ZCWPW1: variants seen among roughly 807,000 people sequenced by gnomAD.
ZCWPW1 encodes zinc finger CW-type and PWWP domain containing 1.
ZCWPW1 carries 56 observed loss-of-function variants against 81.3 expected under a neutral mutation model. The ratio of observed to expected loss-of-function variants is 0.69; its 90% confidence interval spans 0.56 to 0.86. ZCWPW1 has a LOEUF of 0.86. Ranked by LOEUF, ZCWPW1 falls within the 40% of genes least tolerant of loss-of-function variation. The pLI is 0.00. For missense variants in ZCWPW1, 650 were observed against 769.8 expected (o/e 0.84, Z 1.84); for synonymous variants, 250 against 273.7 (o/e 0.91, Z 0.86).
intron 5 of ZCWPW1, 21 bp downstream of exon 5, chr7:100,419,090 T>C (rs1285706734): frequency 1.2e-6 from 2 of 1,607,818 alleles, no homozygotes; most frequent in Non-Finnish European, 1.7e-6. Flanking sequence ...GAAACCCTTT[T>C]TCTCTTACTA....
Position 100,420,692 on chromosome 7 carries a change from G to A in ZCWPW1, c.-29-14C>T. 6.2e-7 allele frequency: 1 copy of A among 1,609,392 alleles called. No individual in the cohort carries two copies. The highest frequency in any genetic ancestry group is 8.5e-7 in the Non-Finnish European group (1 of 1,177,046). ...CTTTGTGTGCCTCTGTTAGAAAAAA[G>A]AAATTAACTGCTATGACTCTGATTA... is the stretch of plus-strand genomic sequence containing the variant. On this transcript the variant is annotated splice_polypyrimidine_tract_variant and intron_variant, in intron 2 of 17. Transcript: ENST00000684423.
At chr7:100,407,167 A>AG in intron 11 of ZCWPW1, 61 bp downstream of exon 11, 1 of 1,480,566 alleles carries the variant, frequency 6.8e-7, no homozygotes, top group Non-Finnish European at 9.4e-7. Flanking sequence ...TACGTCTGTG[A>AG]GGATGGATTT....
intron 8 of ZCWPW1, among the ~76,000 whole-genome samples, chr7:100,414,993 C>T (rs1378324925): frequency 6.6e-6 from 1 of 151,066 alleles, no homozygotes; most frequent in Non-Finnish European, 1.5e-5. Context: ...CCACCGCACT[C>T]CAGCCTGGCG....
At chr7:100,402,124 C>A in intron 16 of ZCWPW1, 83 bp from the exon 17 acceptor site, 1 of 1,504,392 alleles carries the variant, frequency 6.6e-7, no homozygotes, top group Non-Finnish European at 8.9e-7. Flanking sequence ...GAGTTTCTGC[C>A]CTGCCCCACA....
intron 12 of ZCWPW1, among the ~76,000 whole-genome samples, chr7:100,406,334 CAGGACAG>C (rs1236029852): frequency 1.3e-5 from 2 of 152,172 alleles, no homozygotes; most frequent in African/African-American, 4.8e-5. Flanking sequence ...CCACGATGCA[CAGGACAG>C]CCCTCCACAA....
chr7:100,402,209 T>C (rs1258659953), intron 16 of ZCWPW1, among the ~76,000 whole-genome samples, 168 bp from the exon 17 acceptor site: 4 of 152,082 alleles, frequency 2.6e-5, no homozygotes, highest in Non-Finnish European at 4.4e-5. Context: ...TCCCCCCAAT[T>C]CTCTTTTTTT....
At chr7:100,421,692 T>C (rs1208851600) in intron 2 of ZCWPW1, among the ~76,000 whole-genome samples, 1 of 152,144 alleles carries the variant, frequency 6.6e-6, no homozygotes, top group Admixed American at 6.5e-5. Context: ...ACGACATCAA[T>C]GTGTTTCTTT....
intron 5 of ZCWPW1, 76 bp from the exon 6 acceptor site, chr7:100,417,259 T>G: frequency 1.8e-6 from 2 of 1,129,686 alleles, no homozygotes; most frequent in African/African-American, 1.6e-5. Context: ...ACATTTTCTC[T>G]AAAGTGTCTT....
At chr7:100,403,917 G>T in intron 14 of ZCWPW1, 132 bp from the exon 15 acceptor site, 1 of 1,041,000 alleles carries the variant, frequency 9.6e-7, no homozygotes, top group Non-Finnish European at 1.4e-6. Flanking sequence ...CATAAAATGT[G>T]ATCCCAGATT....
intron 6 of ZCWPW1, 72 bp downstream of exon 6, chr7:100,416,994 G>A: frequency 5.6e-6 from 6 of 1,077,886 alleles, no homozygotes; most frequent in Admixed American, 1.9e-5. Context: ...TAGACAGACA[G>A]ATAGATAGAC....
rs1792703644 is a variant in ZCWPW1, at chr7:100,405,071, C to A, written c.1196G>T (p.Ser399Ile). The change falls in exon 13 of 18, where the codon AGC becomes ATC. Residue 399 changes from serine to isoleucine, a missense_variant. Ser to Ile is a moderately radical substitution (Grantham distance 142). Coordinates refer to ENST00000684423, the MANE Select transcript of ZCWPW1 (RefSeq NM_001386010.1). ...CATCAGGGCCACCCCCAGTTTCTGG[C>A]TGCAGTCATTTCTGCGCTTTTTCTG... ...SVMKKRRNDC[S>I]QKLGVALMMA... 2 of 1,613,334 alleles carry A rather than the reference C, an allele frequency of 1.2e-6. No individual in the cohort carries two copies. Among genetic ancestry groups the A allele is most frequent in the Non-Finnish European group, 1.7e-6 (2 of 1,179,688 alleles).
At chr7:100,412,650 C>T (rs1794420771) in intron 8 of ZCWPW1, among the ~76,000 whole-genome samples, 1 of 151,936 alleles carries the variant, frequency 6.6e-6, no homozygotes, top group South Asian at 2.1e-4. Context: ...GGCACGATCT[C>T]CACTCACTGC....
At chr7:100,411,272 T>G (rs1794104132) in intron 8 of ZCWPW1, among the ~76,000 whole-genome samples, 1 of 151,418 alleles carries the variant, frequency 6.6e-6, no homozygotes, top group African/African-American at 2.4e-5. Flanking sequence ...GCAATTACTT[T>G]TTTTTTTTTT....
intron 2 of ZCWPW1, among the ~76,000 whole-genome samples, chr7:100,424,070 CAAAAAA>C (rs201890147): frequency 1.9e-5 from 1 of 53,032 alleles, no homozygotes. Context: ...AACTCCGTCT[CAAAAAA>C]AAAAAAAAAA....
chr7:100,415,351 G>A (rs1430047638), intron 8 of ZCWPW1, among the ~76,000 whole-genome samples: 2 of 151,954 alleles, frequency 1.3e-5, no homozygotes, highest in African/African-American at 2.4e-5. Flanking sequence ...ACAGAGCTGG[G>A]ATTACAAGCA....
chr7:100,408,416 C>T (rs536914848), intron 10 of ZCWPW1, 123 bp downstream of exon 10: 83 of 1,344,466 alleles, frequency 6.2e-5, no homozygotes, highest in South Asian at 2.5e-4. Context: ...TTCTCTCACC[C>T]CATGCTCTTT....
intron 1 of ZCWPW1, 96 bp downstream of exon 1, chr7:100,428,472 G>A (rs945208358): frequency 1.3e-5 from 2 of 152,304 alleles, no homozygotes; most frequent in South Asian, 2.1e-4. Context: ...TGTTCCTGAA[G>A]CACATCTACT....
rs372099175 is a variant in ZCWPW1 at position 100,402,070 on chromosome 7, T to G, written c.1475-29A>C. 8.9e-5 allele frequency: 141 copies of G among 1,583,558 alleles called. 1 individual carries two copies. In the South Asian group the frequency reaches 1.1e-3, roughly 12 times the overall value. ...GCCGTGAGGGAAATGCGTTTATTTCTCTCTAAACGACAACTCGGCAAGGGC... is the reference window on the plus strand; with the variant it reads ...GCCGTGAGGGAAATGCGTTTATTTCGCTCTAAACGACAACTCGGCAAGGGC... On this transcript the variant is annotated intron_variant, in intron 16 of 17. Transcript: ENST00000684423.
intron 11 of ZCWPW1, 66 bp downstream of exon 11, chr7:100,407,162 C>T (rs1793188740): frequency 3.4e-6 from 5 of 1,452,770 alleles, no homozygotes; most frequent in Admixed American, 1.7e-5. Flanking sequence ...ATCTGTACGT[C>T]TGTGAGGATG....
Sources: gnomAD v4.1 joint callset for allele counts (sites outside exome capture counted in the v4.1 genomes callset) on GRCh38, gnomAD v4.1.1 for gene constraint, MANE v1.5 for transcripts, NCBI Gene and HGNC (gene_info 2026-07-23, HGNC 2026-07-21) for gene names.